Variants in TRAPPC13 observed in about 807,000 individuals in gnomAD.
The protein encoded by TRAPPC13 is trafficking protein particle complex subunit 13.
Under a neutral mutation model 54.0 loss-of-function variants are expected in TRAPPC13, and 39 were observed. The ratio of observed to expected loss-of-function variants is 0.72; its 90% CI spans 0.56 to 0.94. TRAPPC13 has a LOEUF of 0.94. TRAPPC13 is among the 40% of genes least tolerant of loss of function. The probability of loss-of-function intolerance (pLI) is 0.00; values close to 1 mark genes in which losing one functional copy is unlikely to be tolerated. For synonymous variants in TRAPPC13, 148 were observed against 167.7 expected (o/e 0.88, Z 0.91); for missense variants, 386 against 488.1 (o/e 0.79, Z 1.97).
intron 2 of TRAPPC13, 49 bp downstream of exon 2, chr5:65,635,418 T>C (rs775095443): frequency 6.8e-7 from 1 of 1,469,542 alleles, no homozygotes; most frequent in Non-Finnish European, 9.5e-7. Context: ...GGTTGAAACC[T>C]GAATTGCCTG....
At chr5:65,652,368 G>A (rs1268139160) in intron 6 of TRAPPC13, 133 bp from the exon 7 acceptor site, 1 of 202,662 alleles carries the variant, frequency 4.9e-6, no homozygotes. Flanking sequence ...GAAGAATATT[G>A]CATACCTATT....
In TRAPPC13 at chr5:65,664,695, C is replaced by T. The variant is rs895202937; in HGVS notation, c.*84C>T. 2.8e-5 allele frequency: 26 copies of T among 933,526 alleles called. No individual in the cohort carries two copies. Among genetic ancestry groups the T allele is most frequent in the Admixed American group, 5.1e-5 (2 of 39,350 alleles). The allele number at this position is 933,526 out of a possible 1,614,324, so 57.8% of individuals were successfully genotyped here. A position where few individuals can be genotyped will look rare whatever the true frequency, so the allele number is the denominator to read the frequency against. ...CTTTGTAAAATGATGACGTCAACAA[C>T]GAAGTAAATATGTTACTTAAATTTT... On this transcript the variant is annotated 3_prime_UTR_variant, in exon 13 of 13. Coordinates refer to ENST00000399438, the MANE Select transcript of TRAPPC13 (RefSeq NM_024941.4).
chr5:65,659,431 A>G (rs1276966422), intron 9 of TRAPPC13, among the ~76,000 whole-genome samples: 1 of 152,210 alleles, frequency 6.6e-6, no homozygotes, highest in African/African-American at 2.4e-5. Flanking sequence ...TTTAAGTCTC[A>G]TAAAAATCCA....
intron 5 of TRAPPC13, among the ~76,000 whole-genome samples, chr5:65,650,002 GC>G (rs1756366801): frequency 6.6e-6 from 1 of 151,210 alleles, no homozygotes; most frequent in Non-Finnish European, 1.5e-5. Context: ...GACTACAGGT[GC>G]CCGCCACCAT....
chr5:65,646,041 G>A (rs931663502), intron 4 of TRAPPC13, among the ~76,000 whole-genome samples: 24 of 152,078 alleles, frequency 1.6e-4, no homozygotes, highest in African/African-American at 5.8e-4. Context: ...AAGAGAAGAC[G>A]AGGTTCCTGC....
At chr5:65,626,364 C>A (rs1755230860) in intron 1 of TRAPPC13, among the ~76,000 whole-genome samples, 1 of 152,222 alleles carries the variant, frequency 6.6e-6, no homozygotes, top group Admixed American at 6.5e-5. Context: ...GATAATTCCT[C>A]TACCAGCTAC....
At chr5:65,637,578 C>G in intron 3 of TRAPPC13, 118 bp from the exon 4 acceptor site, 1 of 524,428 alleles carries the variant, frequency 1.9e-6, no homozygotes, top group Non-Finnish European at 3.4e-6. Flanking sequence ...TTGCAGTGAG[C>G]CTAGATCGTG....
At chr5:65,637,155 C>T (rs1255226801) in intron 3 of TRAPPC13, among the ~76,000 whole-genome samples, 1 of 152,126 alleles carries the variant, frequency 6.6e-6, no homozygotes, top group Non-Finnish European at 1.5e-5. Context: ...GCATTTTGTA[C>T]AGTAGTCAAA....
In TRAPPC13 at chr5:65,664,750, TATTTG is replaced by T; in HGVS notation, c.*140_*144del. Reference sequence around the variant, plus strand: ...CCTGTAAAATGGTTAAAATATTAAATATTTGTTTTGAAGAGATCTGATTTTATCTT... The same window carrying T: ...CCTGTAAAATGGTTAAAATATTAAATTTTTGAAGAGATCTGATTTTATCTT... On this transcript the variant is annotated 3_prime_UTR_variant, in exon 13 of 13. Coordinates refer to ENST00000399438, the MANE Select transcript of TRAPPC13 (RefSeq NM_024941.4). The T allele has an allele frequency of 6.0e-6, 4 of 669,846 alleles. No individual in the cohort carries two copies. Among genetic ancestry groups the T allele is most frequent in the Non-Finnish European group, 7.8e-6 (3 of 386,030 alleles). 41.5% of individuals were successfully genotyped at this position (669,846 alleles called of 1,614,324 possible).
rs1482475470 is a variant in TRAPPC13 at position 65,665,712 on chromosome 5, C to G, written c.*1101C>G. 6.6e-6 allele frequency: 1 copy of G among 152,180 alleles called. No individual in the cohort carries two copies. Among genetic ancestry groups the G allele is most frequent in the East Asian group, 1.9e-4 (1 of 5,196 alleles). 9.4% of individuals were successfully genotyped at this position (152,180 alleles called of 1,614,324 possible). On this transcript the variant is annotated 3_prime_UTR_variant, in exon 13 of 13. Coordinates refer to ENST00000399438, the MANE Select transcript of TRAPPC13 (RefSeq NM_024941.4). ...ATGTGTTACTGTTACAAAACTTTCT[C>G]TCTCCATGTAATCACACTTAGTTAT...
chr5:65,633,027 CT>C (rs1755605809), intron 1 of TRAPPC13, among the ~76,000 whole-genome samples: 1 of 152,076 alleles, frequency 6.6e-6, no homozygotes, highest in African/African-American at 2.4e-5. Flanking sequence ...GAAAGGAGTG[CT>C]ATAAACAAAT....
At chr5:65,629,932 A>G in intron 1 of TRAPPC13, 1 of 1,536,116 alleles carries the variant, frequency 6.5e-7, no homozygotes, top group Non-Finnish European at 8.7e-7. Flanking sequence ...CTAATTCTGG[A>G]AATCTGGGTA....
At chr5:65,629,871 C>G in intron 1 of TRAPPC13, 1 of 1,536,052 alleles carries the variant, frequency 6.5e-7, no homozygotes, top group Non-Finnish European at 8.7e-7. Context: ...GAGTTTCAAC[C>G]TAGCTTGAAA....
intron 12 of TRAPPC13, 44 bp downstream of exon 12, chr5:65,664,428 C>T: frequency 6.2e-7 from 1 of 1,604,898 alleles, no homozygotes; most frequent in Non-Finnish European, 8.5e-7. Flanking sequence ...GTGCTGTTAA[C>T]TTACAAGTCA....
chr5:65,650,624 A>G (rs960395478), intron 5 of TRAPPC13, among the ~76,000 whole-genome samples, 186 bp from the exon 6 acceptor site: 2 of 152,172 alleles, frequency 1.3e-5, no homozygotes, highest in East Asian at 1.9e-4. Flanking sequence ...TCATTTTACT[A>G]ATCAGAGCTT....
At position 65,657,275 on chromosome 5, in the gene TRAPPC13, G is replaced by A. The variant is rs554843191; in HGVS notation, c.565-1093G>A. On this transcript the variant is annotated intron_variant, in intron 8 of 12. Coordinates refer to ENST00000399438, the MANE Select transcript of TRAPPC13 (RefSeq NM_024941.4). Reference sequence around the variant, plus strand: ...TGCGCGCCTATAATCCCAGCTACTCGGGAGGCTGAGGCAGGAGAATCCCTT... The same window carrying A: ...TGCGCGCCTATAATCCCAGCTACTCAGGAGGCTGAGGCAGGAGAATCCCTT... Among the ~76,000 whole-genome samples the A allele has an allele frequency of 5.3e-5, 8 of 152,074 alleles. 1 individual carries two copies. The South Asian group carries it at 1.2e-3, about 24-fold the overall frequency.
intron 1 of TRAPPC13, chr5:65,629,694 C>A (rs1466725885): frequency 2.6e-6 from 4 of 1,535,946 alleles, no homozygotes; most frequent in Non-Finnish European, 3.5e-6. Flanking sequence ...CGTCCGCTAT[C>A]AAGATTTATA....
In TRAPPC13 at chr5:65,647,818, C is replaced by T. The variant is rs902029424; in HGVS notation, c.428+636C>T. On this transcript the variant is annotated intron_variant, in intron 5 of 12. Coordinates refer to ENST00000399438, the MANE Select transcript of TRAPPC13 (RefSeq NM_024941.4). ...GAATATCTTTCATTTATCTCTTCTT[C>T]ATCTCTACTTTACCACTTTTGCTTC... Among the ~76,000 whole-genome samples, 4 of 152,134 alleles carry T rather than the reference C, an allele frequency of 2.6e-5. No homozygotes were observed. The East Asian group carries it at 7.7e-4, about 29-fold the overall frequency.
chr5:65,661,148 T>C, intron 10 of TRAPPC13: 1 of 287,526 alleles, frequency 3.5e-6, no homozygotes, highest in South Asian at 6.5e-5. Flanking sequence ...TTAAAATAAC[T>C]GTTATTAAGT....
Sources: allele counts gnomAD v4.1 joint callset (sites outside exome capture counted in the v4.1 genomes callset), GRCh38; gene constraint gnomAD v4.1.1; transcripts MANE v1.5; gene names NCBI Gene and HGNC (gene_info 2026-07-23, HGNC 2026-07-21).